The following SPNS2 variants were observed in gnomAD, a reference collection of about 807,000 sequenced individuals.
The protein encoded by SPNS2 is SPNS lysolipid transporter 2, sphingosine-1-phosphate.
In SPNS2, 37 loss-of-function variants were observed where a neutral mutation model predicts 57.6. That is an observed-to-expected ratio of 0.64 (90% CI 0.49 to 0.85). The LOEUF (loss-of-function observed/expected upper bound fraction) is 0.85, where lower values mean the gene tolerates loss of function less well. SPNS2 is among the 40% of genes least tolerant of loss of function. SPNS2 has a pLI of 0.00. For missense variants in SPNS2, 831 were observed against 779.1 expected, an observed-to-expected ratio of 1.07 and a Z score of -0.79; for synonymous variants, 440 against 346.9, an observed-to-expected ratio of 1.27 and a Z score of -2.98.
intron 2 of SPNS2, 118 bp from the exon 3 acceptor site, chr17:4,524,939 G>A: frequency 6.9e-7 from 1 of 1,448,146 alleles, no homozygotes; most frequent in Admixed American, 2.2e-5. Context: ...TTTCCTCTCT[G>A]GGCTGCTTCC....
chr17:4,499,083 C>T lies in SPNS2; in HGVS notation c.36C>T (p.Gly12=). The T allele has an allele frequency of 9.6e-7, 1 of 1,040,582 alleles. No homozygotes were observed. Among genetic ancestry groups the T allele is most frequent in the East Asian group, 8.7e-5 (1 of 11,490 alleles). The allele number at this position is 1,040,582 out of a possible 1,614,324, so 64.5% of individuals were successfully genotyped here. ...MCLECASAAA[G]GAEEEEADAE... is the part of the protein sequence containing the mutation. ...TGGAATGCGCCTCGGCGGCGGCGGGCGGCGCGGAGGAGGAGGAGGCGGACG... is the reference window on the plus strand; with the variant it reads ...TGGAATGCGCCTCGGCGGCGGCGGGTGGCGCGGAGGAGGAGGAGGCGGACG... The change falls in exon 1 of 13, where the codon GGC becomes GGT. Residue 12 remains glycine, a synonymous_variant. Coordinates refer to ENST00000329078, the MANE Select transcript of SPNS2 (RefSeq NM_001124758.3). The surrounding 1 kb of genome is among the most constrained non-coding windows in gnomAD (Gnocchi z 5.2).
In SPNS2 at chr17:4,533,261, CACCTGCTTTACGG is replaced by C; in HGVS notation, c.1108_1120del (p.Thr370AspfsTer17). 1.2e-6 allele frequency: 2 copies of C among 1,605,728 alleles called. No individual in the cohort carries two copies. The highest frequency in any genetic ancestry group is 1.7e-6 in the Non-Finnish European group (2 of 1,175,148). ...CCCACAGCCTCATCTTTGGGGCCAT[CACCTGCTTTACGG>C]GATTTCTGGGCGTGGTCACGGGGGC... is the stretch of plus-strand genomic sequence containing the variant. On this transcript the variant is annotated frameshift_variant, in exon 8 of 13. Transcript: ENST00000329078. LOFTEE classifies it high-confidence loss of function.
At chr17:4,500,205 G>A (rs1159644112) in intron 1 of SPNS2, among the ~76,000 whole-genome samples, 1 of 152,218 alleles carries the variant, frequency 6.6e-6, no homozygotes, top group East Asian at 1.9e-4. Flanking sequence ...GATTGGGATC[G>A]ATAGAACAAC....
At position 4,532,962 on chromosome 17, in the gene SPNS2, C is replaced by G. The variant is rs765815817; in HGVS notation, c.936-15C>G. ...AGGTCCCTGAGCTCAGTGTCACTGC[C>G]TGGCCTCTCCCCAGCCGCAGCTACG... On this transcript the variant is annotated splice_polypyrimidine_tract_variant and intron_variant, in intron 6 of 12. Coordinates refer to ENST00000329078, the MANE Select transcript of SPNS2 (RefSeq NM_001124758.3). 1 of 1,605,604 alleles carries G rather than the reference C, an allele frequency of 6.2e-7. No individual in the cohort carries two copies. Among genetic ancestry groups the G allele is most frequent in the South Asian group, 1.1e-5 (1 of 89,836 alleles).
intron 1 of SPNS2, among the ~76,000 whole-genome samples, chr17:4,500,782 G>A (rs1904470643): frequency 6.6e-6 from 1 of 152,140 alleles, no homozygotes. Context: ...ATTCTGATGG[G>A]AGGGCAGAGG....
rs1010784631 is a variant in SPNS2 at position 4,512,686 on chromosome 17, A to G, written c.371-561A>G. On this transcript the variant is annotated intron_variant, in intron 1 of 12. Coordinates refer to ENST00000329078, the MANE Select transcript of SPNS2 (RefSeq NM_001124758.3). The surrounding 1 kb of genome is among the most constrained non-coding windows in gnomAD (Gnocchi z 5.2). ...TATGTGTGTGCGCGCGTGGGTGTGTATGCATGTGTGCAGGTGTGTGCACAC... is the reference window on the plus strand; with the variant it reads ...TATGTGTGTGCGCGCGTGGGTGTGTGTGCATGTGTGCAGGTGTGTGCACAC... Among the ~76,000 whole-genome samples the G allele has an allele frequency of 1.3e-5, 2 of 150,152 alleles. No individual in the cohort carries two copies. Among genetic ancestry groups the G allele is most frequent in the African/African-American group, 2.5e-5 (1 of 40,162 alleles).
chr17:4,523,916 G>C (rs938048825), intron 2 of SPNS2, among the ~76,000 whole-genome samples: 2 of 152,094 alleles, frequency 1.3e-5, no homozygotes, highest in Non-Finnish European at 2.9e-5. Context: ...CATAGGATAG[G>C]GGTTTTTGTC....
intron 1 of SPNS2, among the ~76,000 whole-genome samples, chr17:4,506,555 T>C (rs555809406): frequency 2.6e-5 from 4 of 152,118 alleles, no homozygotes; most frequent in South Asian, 2.1e-4. Flanking sequence ...CCCCAAATGA[T>C]AGACTAGAAC....
At chr17:4,504,226 G>T (rs1171576291) in intron 1 of SPNS2, among the ~76,000 whole-genome samples, 7 of 152,234 alleles carry the variant, frequency 4.6e-5, no homozygotes, top group Non-Finnish European at 8.8e-5. Context: ...AGAAACCCCA[G>T]CTGAGGTGTG....
At chr17:4,533,597 C>A in intron 8 of SPNS2, 165 bp downstream of exon 8, 1 of 1,018,908 alleles carries the variant, frequency 9.8e-7, no homozygotes, top group Non-Finnish European at 1.4e-6. Flanking sequence ...CACAGCCTGT[C>A]CAGGGCCTCT....
chr17:4,502,922 C>T (rs1441804543), intron 1 of SPNS2, among the ~76,000 whole-genome samples: 1 of 152,336 alleles, frequency 6.6e-6, no homozygotes. Context: ...CCCAGCGCCA[C>T]CCGGTGAACC....
At position 4,527,410 on chromosome 17, in the gene SPNS2, G is replaced by T. The variant is rs572380752; in HGVS notation, c.573+2217G>T. ...AAGTTGCATCTCAAATGAGTGGTTT[G>T]GGAAGAACTATCTATCCATCTGGAT... On this transcript the variant is annotated intron_variant, in intron 3 of 12. Coordinates refer to ENST00000329078, the MANE Select transcript of SPNS2 (RefSeq NM_001124758.3). 2.6e-5 allele frequency among the ~76,000 whole-genome samples: 4 copies of T among 152,336 alleles called. No individual in the cohort carries two copies. The South Asian group carries it at 8.3e-4, about 32-fold the overall frequency.
At position 4,511,437 on chromosome 17, in the gene SPNS2, G is replaced by T. The variant is rs1279219802; in HGVS notation, c.371-1810G>T. ...AGAAGTGAGGCCGGAGGGCGGGGCT[G>T]GCAGGGCCACACCTTCACCCTGTGA... On this transcript the variant is annotated intron_variant, in intron 1 of 12. Transcript: ENST00000329078. This position sits in a 1 kb window ranked among gnomAD's most constrained non-coding sequence, Gnocchi z 4.6. Among the ~76,000 whole-genome samples the T allele has an allele frequency of 6.6e-6, 1 of 152,214 alleles. No individual in the cohort carries two copies. Among genetic ancestry groups the T allele is most frequent in the African/African-American group, 2.4e-5 (1 of 41,450 alleles).
At chr17:4,523,108 A>G (rs1322592951) in intron 2 of SPNS2, among the ~76,000 whole-genome samples, 1 of 152,180 alleles carries the variant, frequency 6.6e-6, no homozygotes, top group African/African-American at 2.4e-5. Context: ...TACCTCCTCC[A>G]GGTCCTGGCT....
At chr17:4,518,384 T>C (rs967835691) in intron 2 of SPNS2, among the ~76,000 whole-genome samples, 7 of 151,668 alleles carry the variant, frequency 4.6e-5, no homozygotes, top group African/African-American at 1.7e-4. Context: ...ATTAGCCGGG[T>C]GTGGTGGCGG....
At chr17:4,513,403 T>G in intron 2 of SPNS2, 91 bp downstream of exon 2, 1 of 1,395,430 alleles carries the variant, frequency 7.2e-7, no homozygotes, top group Non-Finnish European at 1.0e-6. Flanking sequence ...CCGGTCTGTC[T>G]TCCCCTGTCC....
rs372033030 is a variant in SPNS2, at chr17:4,536,132, C to G, written c.1401C>G (p.Ser467=). 49 of 1,612,606 alleles carry G rather than the reference C, an allele frequency of 3.0e-5. No individual in the cohort carries two copies. Among genetic ancestry groups the G allele is most frequent in the Middle Eastern group, 3.3e-4 (2 of 6,038 alleles). The change falls in exon 10 of 13, where the codon TCC becomes TCG. Residue 467 remains serine, a synonymous_variant. Coordinates refer to ENST00000329078, the MANE Select transcript of SPNS2 (RefSeq NM_001124758.3). The part of the protein sequence containing the change: ...ATAVALQSFT[S]HLLGDAGSPY... The stretch of plus-strand genomic sequence containing the variant: ...CCGTGGCCTTGCAGAGCTTCACCTC[C>G]CACCTGCTGGGGGACGCCGGGAGCC...
intron 1 of SPNS2, among the ~76,000 whole-genome samples, chr17:4,501,377 G>A (rs1904505549): frequency 1.3e-5 from 2 of 152,292 alleles, no homozygotes; most frequent in South Asian, 4.1e-4. Flanking sequence ...TTCTACTCAG[G>A]TCTCTGAGTC....
chr17:4,523,715 A>T (rs1375392585), intron 2 of SPNS2, among the ~76,000 whole-genome samples: 5 of 152,212 alleles, frequency 3.3e-5, no homozygotes, highest in Non-Finnish European at 7.3e-5. Flanking sequence ...GCACTCTAGC[A>T]TGGGTGATAG....
Sources: gnomAD v4.1 joint callset for allele counts (sites outside exome capture counted in the v4.1 genomes callset) on GRCh38, gnomAD v4.1.1 for gene constraint, Gnocchi (gnomAD v3.1) non-coding constraint, MANE v1.5 for transcripts, NCBI Gene and HGNC (gene_info 2026-07-23, HGNC 2026-07-21) for gene names.